Variants in MTTP observed in about 807,000 individuals in gnomAD.
MTTP encodes the protein microsomal triglyceride transfer protein large subunit.
Under a neutral mutation model 90.6 loss-of-function variants are expected in MTTP, and 49 were observed. The observed-to-expected ratio is 0.54, with a 90% confidence interval of 0.43 to 0.69. MTTP has a LOEUF of 0.69. MTTP is among the 30% of genes least tolerant of loss of function. The probability of loss-of-function intolerance (pLI) is 0.00; values close to 1 mark genes in which losing one functional copy is unlikely to be tolerated. For synonymous variants in MTTP, 347 were observed against 384.2 expected, an observed-to-expected ratio of 0.90 and a Z score of 1.13; for missense variants, 945 against 1,067.5, an observed-to-expected ratio of 0.89 and a Z score of 1.60.
At position 99,616,936 on chromosome 4, in the gene MTTP, C is replaced by T. The variant is rs182656291; in HGVS notation, c.2218-2038C>T. On this transcript the variant is annotated intron_variant, in intron 15 of 17. Transcript: ENST00000265517. The stretch of plus-strand genomic sequence containing the variant: ...ATATGGTTGGTGGGAAGGCCAAGAT[C>T]CACATCACAGGCCTCTGCTGGACTG... Among the ~76,000 whole-genome samples, 41 of 152,238 alleles carry T rather than the reference C, an allele frequency of 2.7e-4. 1 individual carries two copies. The highest frequency in any genetic ancestry group is 9.6e-4 in the African/African-American group (40 of 41,524).
At chr4:99,605,107 T>C (rs1443434505) in intron 10 of MTTP, among the ~76,000 whole-genome samples, 1 of 152,178 alleles carries the variant, frequency 6.6e-6, no homozygotes, top group Non-Finnish European at 1.5e-5. Flanking sequence ...TAATTTTATT[T>C]CTTGAACATG....
At position 99,611,125 on chromosome 4, in the gene MTTP, T is replaced by C; in HGVS notation, c.1770-18T>C. ...ATTACAATGAATGTGCAGCTTTTTT[T>C]TTCCTCATATGTTGCAGCAAAATTG... On this transcript the variant is annotated intron_variant, in intron 12 of 17. Coordinates refer to ENST00000265517, the MANE Select transcript of MTTP (RefSeq NM_001386140.1). The C allele has an allele frequency of 1.2e-6, 2 of 1,606,232 alleles. No individual in the cohort carries two copies. Among genetic ancestry groups the C allele is most frequent in the Admixed American group, 1.7e-5 (1 of 60,004 alleles).
At chr4:99,606,680 A>G (rs1459797699) in intron 10 of MTTP, 68 bp from the exon 11 acceptor site, 8 of 1,522,144 alleles carry the variant, frequency 5.3e-6, no homozygotes, top group Non-Finnish European at 7.3e-6. Context: ...CCCAAGAATA[A>G]AGCCAGTCTC....
At chr4:99,600,867 G>T (rs182814625) in intron 9 of MTTP, 134 bp downstream of exon 9, 19 of 865,014 alleles carry the variant, frequency 2.2e-5, no homozygotes, top group Non-Finnish European at 3.0e-5. Flanking sequence ...TCAAATTGGG[G>T]TATTTTCTAT....
chr4:99,575,040 G>A (rs758130935), intron 1 of MTTP, 70 bp downstream of exon 1: 13 of 1,476,920 alleles, frequency 8.8e-6, no homozygotes, highest in East Asian at 2.3e-5. Flanking sequence ...ACGTGCGTGT[G>A]TGTGTGTTTG....
At chr4:99,609,906 A>G (rs2637768) in intron 12 of MTTP, among the ~76,000 whole-genome samples, 18,593 of 152,038 alleles carry the variant, frequency 0.12, 1,134 homozygotes, top group South Asian at 0.21. Flanking sequence ...CTTTTATGAG[A>G]CCCTGTGAAG....
In MTTP at chr4:99,589,674, C is replaced by G; in HGVS notation, c.425C>G (p.Ala142Gly). 2 of 1,609,200 alleles carry G rather than the reference C, an allele frequency of 1.2e-6. No individual in the cohort carries two copies. The highest frequency in any genetic ancestry group is 8.5e-7 in the Non-Finnish European group (1 of 1,175,884). The change falls in exon 4 of 18, where the codon GCA becomes GGA. Residue 142 changes from alanine to glycine, a missense_variant. Ala to Gly is a moderately conservative substitution (Grantham distance 60). Coordinates refer to ENST00000265517, the MANE Select transcript of MTTP (RefSeq NM_001386140.1). Reference protein sequence around the residue: ...VKEFYSYQNEAVAIENIKRGL... With the variant: ...VKEFYSYQNEGVAIENIKRGL... ...GAGTTCTACTCATATCAAAATGAGG[C>G]AGTGGCCATAGAAAATATCAAGAGA...
At chr4:99,576,461 C>A (rs974723667) in intron 1 of MTTP, among the ~76,000 whole-genome samples, 2 of 151,624 alleles carry the variant, frequency 1.3e-5, no homozygotes, top group African/African-American at 4.8e-5. Context: ...TTTGGGAGGC[C>A]GAGGCGGGCG....
At chr4:99,576,643 C>T (rs1248734361) in intron 1 of MTTP, among the ~76,000 whole-genome samples, 3 of 130,576 alleles carry the variant, frequency 2.3e-5, no homozygotes, top group East Asian at 2.2e-4. Context: ...TGCAGTGAGC[C>T]GAGATCCCGC....
chr4:99,591,563 G>A, intron 5 of MTTP, 88 bp from the exon 6 acceptor site: 1 of 1,441,354 alleles, frequency 6.9e-7, no homozygotes, highest in Non-Finnish European at 9.6e-7. Flanking sequence ...GAAGCTGTTT[G>A]TAGACTGAAA....
upstream of MTTP, among the ~76,000 whole-genome samples, chr4:99,572,442 T>G (rs1312331545): frequency 2.0e-5 from 3 of 151,992 alleles, no homozygotes; most frequent in African/African-American, 7.2e-5. Flanking sequence ...ACTCCCCACC[T>G]GTAATTTTTT....
chr4:99,566,036 TC>T (rs1391403891), intron 1 of MTTP, among the ~76,000 whole-genome samples: 6 of 152,140 alleles, frequency 3.9e-5, no homozygotes, highest in Non-Finnish European at 7.3e-5. Context: ...ACGCCTGTAA[TC>T]CCAGCACTTT....
rs769310726 is a variant in MTTP at position 99,608,906 on chromosome 4, G to A, written c.1698G>A (p.Glu566=). The change falls in exon 12 of 18, where the codon GAG becomes GAA. Residue 566 remains glutamate, a synonymous_variant. Coordinates refer to ENST00000265517, the MANE Select transcript of MTTP (RefSeq NM_001386140.1). ...DVKNILLSIG[E]LPQEMNKYML... ...AGAACATCCTGCTGTCTATTGGGGA[G>A]CTTCCCCAAGAAATGAATAAATACA... 1.2e-6 allele frequency: 2 copies of A among 1,614,102 alleles called. No homozygotes were observed. The highest frequency in any genetic ancestry group is 2.2e-5 in the East Asian group (1 of 44,876).
chr4:99,568,752 A>G (rs1425338512), intron 1 of MTTP, among the ~76,000 whole-genome samples: 2 of 152,184 alleles, frequency 1.3e-5, no homozygotes, highest in African/African-American at 4.8e-5. Context: ...TTTATGGGGT[A>G]TGTCAAAGGA....
upstream of MTTP, chr4:99,570,672 G>A (rs1175613134): frequency 2.2e-6 from 1 of 455,356 alleles, no homozygotes; most frequent in Non-Finnish European, 4.4e-6. Context: ...CAGACCTCAG[G>A]GTAAAAAGAT....
intron 16 of MTTP, among the ~76,000 whole-genome samples, chr4:99,620,665 G>A (rs912197283): frequency 1.7e-4 from 26 of 152,330 alleles, no homozygotes; most frequent in African/African-American, 6.0e-4. Flanking sequence ...AAAACTATAA[G>A]CATCGATTGT....
chr4:99,590,200 A>T (rs891790426), intron 4 of MTTP, among the ~76,000 whole-genome samples: 8 of 152,124 alleles, frequency 5.3e-5, no homozygotes, highest in African/African-American at 1.9e-4. Context: ...GGTTCAAGCG[A>T]TTCTCCTGCC....
chr4:99,592,058 T>G (rs1296341696), intron 6 of MTTP, among the ~76,000 whole-genome samples: 3 of 152,198 alleles, frequency 2.0e-5, no homozygotes, highest in Non-Finnish European at 4.4e-5. Context: ...CAAACCTGTA[T>G]AGCATGTTGC....
Position 99,594,726 on chromosome 4 carries a change from T to C in MTTP, c.759-7T>C. 1.9e-6 allele frequency: 3 copies of C among 1,613,806 alleles called. 1 individual carries two copies. Among genetic ancestry groups the C allele is most frequent in the Non-Finnish European group, 2.5e-6 (3 of 1,179,748 alleles). ...ATAATATAGCATTTCCCTTTGGTAT[T>C]ATGCAGGCAGAAATTAGAGCTGAAG... On this transcript the variant is annotated splice_region_variant and splice_polypyrimidine_tract_variant and intron_variant, in intron 6 of 17. Transcript: ENST00000265517.
Sources: gnomAD v4.1 joint callset for allele counts (sites outside exome capture counted in the v4.1 genomes callset) on GRCh38, gnomAD v4.1.1 for gene constraint, MANE v1.5 for transcripts, NCBI Gene and HGNC (gene_info 2026-07-23, HGNC 2026-07-21) for gene names.